EIF5B: variants seen among roughly 807,000 people sequenced by gnomAD.
The protein encoded by EIF5B is eIF-5B.
In EIF5B, 47 loss-of-function variants were observed where a neutral mutation model predicts 147.5. The observed-to-expected ratio is 0.32, with a 90% confidence interval of 0.25 to 0.41. The LOEUF is 0.41. Among genes scored for constraint, EIF5B ranks in the 10% least tolerant of loss-of-function variants. EIF5B has a pLI of 1.00. For synonymous variants in EIF5B, 455 were observed against 456.2 expected, an observed-to-expected ratio of 1.00 and a Z score of 0.03; for missense variants, 1,064 against 1,413.2, an observed-to-expected ratio of 0.75 and a Z score of 3.96.
chr2:99,370,181 T>C (rs7591212), intron 8 of EIF5B, among the ~76,000 whole-genome samples: 57,924 of 152,028 alleles, frequency 0.38, 11,848 homozygotes, highest in East Asian at 0.63. Flanking sequence ...GGCTTCTATT[T>C]ACAATAATCA....
chr2:99,401,099 T>C lies in EIF5B; in HGVS notation c.*1685T>C, dbSNP rs562143600. 21 of 501,056 alleles carry C rather than the reference T, an allele frequency of 4.2e-5. No homozygotes were observed. The highest frequency in any genetic ancestry group is 7.1e-5 in the Non-Finnish European group (20 of 283,130). 31.0% of individuals were successfully genotyped at this position (501,056 alleles called of 1,614,324 possible). On this transcript the variant is annotated 3_prime_UTR_variant, in exon 24 of 24. Coordinates refer to ENST00000289371, the MANE Select transcript of EIF5B (RefSeq NM_015904.4). ...GCAATACTGACAAATTTGGCACTTTTTGAAAAGAAATGTACAAAACACTTG... is the reference window on the plus strand; with the variant it reads ...GCAATACTGACAAATTTGGCACTTTCTGAAAAGAAATGTACAAAACACTTG...
At position 99,361,411 on chromosome 2, in the gene EIF5B, CA is replaced by C; in HGVS notation, c.511del (p.Ser171ValfsTer10). 1 of 1,613,422 alleles carries C rather than the reference CA, an allele frequency of 6.2e-7. No homozygotes were observed. Among genetic ancestry groups the C allele is most frequent in the Non-Finnish European group, 8.5e-7 (1 of 1,179,950 alleles). On this transcript the variant is annotated frameshift_variant, in exon 4 of 24. Coordinates refer to ENST00000289371, the MANE Select transcript of EIF5B (RefSeq NM_015904.4). LOFTEE classifies it high-confidence loss of function. ...ATGGGTCAGAGGAGGATGAGGATAACAGTAAAAAAATTAAAGAGCGTTCAAG... is the reference window on the plus strand; with the variant it reads ...ATGGGTCAGAGGAGGATGAGGATAACGTAAAAAAATTAAAGAGCGTTCAAG... The part of the protein sequence containing the change: ...WDGSEEDEDN[S>X]KKIKERSRIN...
intron 18 of EIF5B, 124 bp downstream of exon 18, chr2:99,393,222 C>G (rs1262237798): frequency 1.2e-6 from 1 of 815,176 alleles, no homozygotes; most frequent in Non-Finnish European, 1.7e-6. Flanking sequence ...CATTTCTTGG[C>G]CTCTTAGCAA....
intron 22 of EIF5B, 83 bp downstream of exon 22, chr2:99,396,981 C>CCTA: frequency 2.7e-6 from 4 of 1,484,180 alleles, no homozygotes; most frequent in Non-Finnish European, 3.6e-6. Flanking sequence ...CAGCTTTGTG[C>CCTA]CTGTAGTTCA....
At chr2:99,356,435 T>C (rs1325017204) in intron 1 of EIF5B, among the ~76,000 whole-genome samples, 1 of 152,218 alleles carries the variant, frequency 6.6e-6, no homozygotes, top group Non-Finnish European at 1.5e-5. Flanking sequence ...TCCCCATTTA[T>C]TTACTTAATC....
intron 12 of EIF5B, among the ~76,000 whole-genome samples, chr2:99,381,751 G>A (rs1243946262): frequency 6.6e-6 from 1 of 151,904 alleles, no homozygotes; most frequent in African/African-American, 2.4e-5. Context: ...ATGTACTTTT[G>A]GGATATATTT....
intron 1 of EIF5B, among the ~76,000 whole-genome samples, chr2:99,351,452 A>G (rs1673953005): frequency 1.3e-5 from 2 of 152,138 alleles, no homozygotes; most frequent in South Asian, 4.1e-4. Context: ...ATGTATTTTC[A>G]TTTCTCTTAG....
At chr2:99,366,896 T>A (rs574208847) in intron 6 of EIF5B, among the ~76,000 whole-genome samples, 52 of 152,344 alleles carry the variant, frequency 3.4e-4, no homozygotes, top group African/African-American at 1.2e-3. Flanking sequence ...AGATAAATAG[T>A]CTATACATGG....
intron 18 of EIF5B, 39 bp downstream of exon 18, chr2:99,393,137 T>C: frequency 6.8e-7 from 1 of 1,461,872 alleles, no homozygotes. Flanking sequence ...AAAAGCTATT[T>C]GAGTTCTGGC....
chr2:99,367,547 C>G (rs1674354777), intron 6 of EIF5B, among the ~76,000 whole-genome samples: 1 of 152,018 alleles, frequency 6.6e-6, no homozygotes, highest in Admixed American at 6.6e-5. Context: ...AGTGATTCTC[C>G]TGCCTCAGCC....
At position 99,390,857 on chromosome 2, in the gene EIF5B, G is replaced by T. The variant is rs1674913759; in HGVS notation, c.2748+152G>T. On this transcript the variant is annotated intron_variant, in intron 17 of 23. Coordinates refer to ENST00000289371, the MANE Select transcript of EIF5B (RefSeq NM_015904.4). The stretch of plus-strand genomic sequence containing the variant: ...TTTTATTTTAGTTGTCATCATACAG[G>T]AAGGCCTGTCTGTCAGAGTAGAGAT... 3 of 875,790 alleles carry T rather than the reference G, an allele frequency of 3.4e-6. No individual in the cohort carries two copies. The South Asian group carries it at 7.3e-5, about 21-fold the overall frequency. The allele number at this position is 875,790 out of a possible 1,614,324, so 54.3% of individuals were successfully genotyped here.
chr2:99,351,802 A>G (rs1673973006), intron 1 of EIF5B, among the ~76,000 whole-genome samples: 1 of 152,072 alleles, frequency 6.6e-6, no homozygotes, highest in South Asian at 2.1e-4. Context: ...GGTTCAAGCA[A>G]TTCTCTTGCC....
intron 1 of EIF5B, chr2:99,338,281 G>C: frequency 7.8e-7 from 1 of 1,281,810 alleles, no homozygotes; most frequent in South Asian, 1.2e-5. Flanking sequence ...GCAATGCTTT[G>C]GGGAGGGAGG....
chr2:99,338,362 C>G (rs747165021), intron 1 of EIF5B: 2 of 1,288,198 alleles, frequency 1.6e-6, no homozygotes, highest in African/African-American at 1.5e-5. Context: ...CGATTGAGTT[C>G]TGTTACTCAT....
In EIF5B at chr2:99,369,421, G is replaced by C. The variant is rs748958387; in HGVS notation, c.1417G>C (p.Val473Leu). The C allele has an allele frequency of 6.2e-7, 1 of 1,611,768 alleles. No homozygotes were observed. Among genetic ancestry groups the C allele is most frequent in the Non-Finnish European group, 8.5e-7 (1 of 1,178,428 alleles). ...VSESMELCAA[V>L]EVMEQGVPEK... ...TGAATCAATGGAATTATGTGCTGCT[G>C]TAGAAGTTATGGAACAAGGAGTACC... Residue 473 changes from valine to leucine, a missense_variant, in exon 8 of 24, where the codon GTA (valine) becomes CTA (leucine). By Grantham distance (32) the Val-to-Leu change is conservative. This residue lies in a region of EIF5B where 195 missense variants were observed against 186.3 expected (regional missense o/e 1.05). Coordinates refer to ENST00000289371, the MANE Select transcript of EIF5B (RefSeq NM_015904.4).
intron 6 of EIF5B, among the ~76,000 whole-genome samples, chr2:99,365,390 C>T (rs933638914): frequency 2.0e-5 from 3 of 152,152 alleles, no homozygotes; most frequent in Admixed American, 6.5e-5. Context: ...CGCATATGTT[C>T]AGCTAGGAAC....
At chr2:99,344,076 G>C (rs200016443) in intron 1 of EIF5B, among the ~76,000 whole-genome samples, 1 of 151,628 alleles carries the variant, frequency 6.6e-6, no homozygotes, top group Admixed American at 6.6e-5. Context: ...CTGCTACCAC[G>C]CCTGGCTAGT....
At chr2:99,373,749 A>T (rs1674502315) in intron 9 of EIF5B, among the ~76,000 whole-genome samples, 1 of 152,078 alleles carries the variant, frequency 6.6e-6, no homozygotes, top group African/African-American at 2.4e-5. Context: ...CATCTTACTA[A>T]GTCGTTTTTT....
chr2:99,374,006 C>T (rs564916522), intron 9 of EIF5B, among the ~76,000 whole-genome samples: 4 of 152,206 alleles, frequency 2.6e-5, no homozygotes, highest in Admixed American at 2.6e-4. Flanking sequence ...TCATTGCTCT[C>T]GGCCAGGCAT....
Sources: gnomAD v4.1 joint callset for allele counts (sites outside exome capture counted in the v4.1 genomes callset) on GRCh38, gnomAD v4.1.1 for gene constraint, gnomAD v4.1.1 regional missense constraint, MANE v1.5 for transcripts, NCBI Gene and HGNC (gene_info 2026-07-23, HGNC 2026-07-21) for gene names.